NPL: variants seen among roughly 807,000 people sequenced by gnomAD.
The protein encoded by NPL is N-acetylneuraminate pyruvate lyase.
NPL carries 32 observed loss-of-function variants against 41.1 expected under a neutral mutation model. The observed-to-expected ratio is 0.78, with a 90% CI of 0.59 to 1.05. The LOEUF (loss-of-function observed/expected upper bound fraction) is 1.05, where lower values mean the gene tolerates loss of function less well. Ranked by LOEUF, NPL falls within the 50% of genes least tolerant of loss-of-function variation. The probability of loss-of-function intolerance (pLI) is 0.00; values close to 1 mark genes in which losing one functional copy is unlikely to be tolerated. For synonymous variants in NPL, 128 were observed against 134.9 expected (o/e 0.95, Z 0.35); for missense variants, 321 against 378.4 (o/e 0.85, Z 1.26).
intron 5 of NPL, among the ~76,000 whole-genome samples, chr1:182,808,405 T>C (rs1667083337): frequency 6.6e-6 from 1 of 152,144 alleles, no homozygotes; most frequent in Non-Finnish European, 1.5e-5. Flanking sequence ...GCAGGGCCAG[T>C]CAGGTTATTG....
chr1:182,790,826 A>G (rs1666491110), intron 1 of NPL, among the ~76,000 whole-genome samples: 2 of 152,188 alleles, frequency 1.3e-5, no homozygotes, highest in Admixed American at 1.3e-4. Flanking sequence ...TATTTTTAGT[A>G]GAGACGGGGT....
intron 5 of NPL, among the ~76,000 whole-genome samples, chr1:182,807,748 A>G (rs12063653): frequency 0.21 from 31,128 of 148,578 alleles, 5,517 homozygotes; most frequent in African/African-American, 0.48. Flanking sequence ...AAAATTAGCC[A>G]GGCATGGTGG....
intron 2 of NPL, among the ~76,000 whole-genome samples, chr1:182,793,055 A>T (rs1666560342): frequency 6.6e-6 from 1 of 152,212 alleles, no homozygotes; most frequent in Non-Finnish European, 1.5e-5. Flanking sequence ...TACAGACATC[A>T]CTTTATTTGC....
chr1:182,810,738 G>C (rs1349076400), intron 5 of NPL, among the ~76,000 whole-genome samples: 1 of 151,262 alleles, frequency 6.6e-6, no homozygotes, highest in East Asian at 1.9e-4. Flanking sequence ...AGGCTTAACA[G>C]TAATAACTGC....
At chr1:182,801,607 T>C (rs1384158901) in intron 3 of NPL, among the ~76,000 whole-genome samples, 2 of 152,138 alleles carry the variant, frequency 1.3e-5, no homozygotes, top group Admixed American at 1.3e-4. Flanking sequence ...CGCAACACTT[T>C]GGGAGGCTAA....
In NPL at chr1:182,794,431, T is replaced by C; in HGVS notation, c.60T>C (p.Thr20=). 6.2e-7 allele frequency: 1 copy of C among 1,614,168 alleles called. No homozygotes were observed. The highest frequency in any genetic ancestry group is 8.5e-7 in the Non-Finnish European group (1 of 1,179,994). The change falls in exon 3 of 13, where the codon ACT becomes ACC. Residue 20 remains threonine, a synonymous_variant. Coordinates refer to ENST00000367553, the MANE Select transcript of NPL (RefSeq NM_030769.3). Reference sequence around the variant, plus strand: ...TGGCTGCAACCATCACGCCAATGACTGAGAATGGGTAACTATCATTTGGGG... The same window carrying C: ...TGGCTGCAACCATCACGCCAATGACCGAGAATGGGTAACTATCATTTGGGG... ...GLVAATITPM[T]ENGEINFSVI... is the part of the protein sequence containing the mutation.
chr1:182,820,922 C>T (rs1253191244), intron 10 of NPL, among the ~76,000 whole-genome samples: 4 of 152,168 alleles, frequency 2.6e-5, no homozygotes, highest in Non-Finnish European at 2.9e-5. Context: ...TCTTTTTTGG[C>T]TCCTGCTTTT....
chr1:182,796,131 T>G (rs899923207), intron 3 of NPL, among the ~76,000 whole-genome samples: 1 of 147,852 alleles, frequency 6.8e-6, no homozygotes, highest in Non-Finnish European at 1.5e-5. Flanking sequence ...TCTGCGTTTT[T>G]CTTCTAGGAA....
chr1:182,821,866 C>A (rs890722947), intron 10 of NPL, among the ~76,000 whole-genome samples: 3 of 152,154 alleles, frequency 2.0e-5, no homozygotes, highest in African/African-American at 7.2e-5. Context: ...ACACCTCCAT[C>A]TTTTTTATCT....
chr1:182,823,542 C>T (rs1293680854), intron 11 of NPL, among the ~76,000 whole-genome samples: 1 of 152,208 alleles, frequency 6.6e-6, no homozygotes, highest in Non-Finnish European at 1.5e-5. Context: ...GCCAAATAAA[C>T]TAAACATCGA....
chr1:182,801,990 T>G (rs760652544), intron 3 of NPL, among the ~76,000 whole-genome samples: 3 of 152,252 alleles, frequency 2.0e-5, no homozygotes, highest in Non-Finnish European at 2.9e-5. Context: ...CTTCATTATA[T>G]TTTGCTATTT....
chr1:182,822,803 A>G (rs1223419643), intron 11 of NPL, among the ~76,000 whole-genome samples: 1 of 152,228 alleles, frequency 6.6e-6, no homozygotes, highest in African/African-American at 2.4e-5. Context: ...TGAATGTTCC[A>G]TGGAGGACAG....
chr1:182,815,261 T>C (rs1340678771), intron 7 of NPL, among the ~76,000 whole-genome samples: 1 of 152,208 alleles, frequency 6.6e-6, no homozygotes, highest in African/African-American at 2.4e-5. Flanking sequence ...GAATGATGAA[T>C]TTTAAGAGAT....
chr1:182,800,480 G>A (rs1252149196), intron 3 of NPL, among the ~76,000 whole-genome samples: 1 of 146,224 alleles, frequency 6.8e-6, no homozygotes, highest in African/African-American at 2.5e-5. Flanking sequence ...TCCTCAAGGA[G>A]AATTATTTTC....
intron 11 of NPL, among the ~76,000 whole-genome samples, chr1:182,823,632 C>T (rs941498289): frequency 1.3e-5 from 2 of 152,178 alleles, no homozygotes; most frequent in Admixed American, 1.3e-4. Context: ...GTTCTCTCCA[C>T]CCTGCCCAGT....
chr1:182,790,094 T>C (rs1356279114), intron 1 of NPL, among the ~76,000 whole-genome samples: 1 of 152,200 alleles, frequency 6.6e-6, no homozygotes, highest in Non-Finnish European at 1.5e-5. Context: ...GAGTTAGCAA[T>C]TGAGCAGAAG....
intron 10 of NPL, among the ~76,000 whole-genome samples, chr1:182,821,839 G>A (rs1421417619): frequency 2.0e-5 from 3 of 152,166 alleles, no homozygotes; most frequent in Non-Finnish European, 4.4e-5. Flanking sequence ...GCTGGCCTCA[G>A]TCGCTTCCTA....
chr1:182,800,435 CAAAAAAAAAAAAA>C (rs1053733197), intron 3 of NPL, among the ~76,000 whole-genome samples: 2 of 51,610 alleles, frequency 3.9e-5, no homozygotes, highest in East Asian at 7.8e-4. Flanking sequence ...GACCCTGTCT[CAAAAAAAAAAAAA>C]AAAAAAAAAA....
rs1428112771 is a variant in NPL, at chr1:182,821,987, T to G, written c.654-128T>G. 8 of 722,372 alleles carry G rather than the reference T, an allele frequency of 1.1e-5. No individual in the cohort carries two copies. In the Middle Eastern group the frequency reaches 7.5e-4, roughly 68 times the overall value. 44.7% of individuals were successfully genotyped at this position (722,372 alleles called of 1,614,324 possible). On this transcript the variant is annotated intron_variant, in intron 10 of 12. Coordinates refer to ENST00000367553, the MANE Select transcript of NPL (RefSeq NM_030769.3). ...AAGACAGTCTTGTCCCCTAATAGAT[T>G]AGGATTCAAAAACAGACTTTAGGAG... is the stretch of plus-strand genomic sequence containing the variant.
Sources: allele counts gnomAD v4.1 joint callset (sites outside exome capture counted in the v4.1 genomes callset), GRCh38; gene constraint gnomAD v4.1.1; transcripts MANE v1.5; gene names NCBI Gene and HGNC (gene_info 2026-07-23, HGNC 2026-07-21).